The following CLEC6A variants were observed in gnomAD, a reference collection of about 807,000 sequenced individuals.
The protein encoded by CLEC6A is C-type lectin domain family 6 member A.
CLEC6A carries 22 observed loss-of-function variants against 25.7 expected under a neutral mutation model. The observed-to-expected ratio is 0.85, with a 90% CI of 0.61 to 1.22. The LOEUF (loss-of-function observed/expected upper bound fraction) is 1.22, where lower values mean the gene tolerates loss of function less well. Ranked by LOEUF, CLEC6A falls within the 50% of genes most tolerant of loss-of-function variation. The probability of loss-of-function intolerance (pLI) is 0.00; values close to 1 mark genes in which losing one functional copy is unlikely to be tolerated. For missense variants in CLEC6A, 240 were observed against 236.8 expected, an observed-to-expected ratio of 1.01 and a Z score of -0.09; for synonymous variants, 92 against 76.7, an observed-to-expected ratio of 1.20 and a Z score of -1.04.
At chr12:8,462,172 C>T (rs4883152) in intron 3 of CLEC6A, among the ~76,000 whole-genome samples, 9 of 144,188 alleles carry the variant, frequency 6.2e-5, no homozygotes, top group African/African-American at 1.5e-4. Context: ...CAGCATGCTC[C>T]TTAAGAGTCA....
intron 1 of CLEC6A, among the ~76,000 whole-genome samples, chr12:8,456,705 C>T (rs762621884): frequency 2.0e-5 from 3 of 152,082 alleles, no homozygotes; most frequent in Non-Finnish European, 4.4e-5. Flanking sequence ...GAATATGATG[C>T]GTAATGGTAA....
rs770476646 is a variant in CLEC6A at position 8,476,174 on chromosome 12, T to C, written c.419T>C (p.Leu140Pro). 1 of 1,610,842 alleles carries C rather than the reference T, an allele frequency of 6.2e-7. No individual in the cohort carries two copies. Among genetic ancestry groups the C allele is most frequent in the Non-Finnish European group, 8.5e-7 (1 of 1,179,220 alleles). ...GAGTCATTTTCTTATTTTCTGGGGCTTTCAGACCCACAAGGTAATAATAAT... is the reference window on the plus strand; with the variant it reads ...GAGTCATTTTCTTATTTTCTGGGGCCTTCAGACCCACAAGGTAATAATAAT... ...LNESFSYFLG[L>P]SDPQGNNNWQ... Residue 140 changes from leucine to proline, a missense_variant, in exon 5 of 6, where the codon CTT becomes CCT. Physicochemically the swap from Leu to Pro is moderately conservative, Grantham distance 98. Transcript: ENST00000382073.
intron 3 of CLEC6A, among the ~76,000 whole-genome samples, chr12:8,464,250 T>A (rs529235258): frequency 2.6e-5 from 4 of 152,016 alleles, no homozygotes; most frequent in Non-Finnish European, 5.9e-5. Context: ...ATAACATGGA[T>A]GAATATTAGT....
In CLEC6A at chr12:8,477,632, A is replaced by G. The variant is rs1048991854; in HGVS notation, c.*168A>G. 4.2e-6 allele frequency: 2 copies of G among 479,416 alleles called. No homozygotes were observed. Among genetic ancestry groups the G allele is most frequent in the Non-Finnish European group, 7.2e-6 (2 of 278,310 alleles). 29.7% of individuals were successfully genotyped at this position (479,416 alleles called of 1,614,324 possible). ...AAAGATACCTGTTTCCCTTTAATCAATCTTCTCGTTTCCTCTTTTCCATTA... is the reference window on the plus strand; with the variant it reads ...AAAGATACCTGTTTCCCTTTAATCAGTCTTCTCGTTTCCTCTTTTCCATTA... On this transcript the variant is annotated 3_prime_UTR_variant, in exon 6 of 6. Transcript: ENST00000382073.
intron 5 of CLEC6A, 21 bp downstream of exon 5, chr12:8,476,261 T>C: frequency 7.3e-7 from 1 of 1,370,102 alleles, no homozygotes. Flanking sequence ...TTCTGGGGCC[T>C]TGTTTACATA....
At position 8,476,208 on chromosome 12, in the gene CLEC6A, G is replaced by A. The variant is rs1939972206; in HGVS notation, c.453G>A (p.Trp151Ter). The A allele has an allele frequency of 6.2e-7, 1 of 1,607,100 alleles. No homozygotes were observed. Among genetic ancestry groups the A allele is most frequent in the South Asian group, 1.1e-5 (1 of 90,964 alleles). ...CACAAGGTAATAATAATTGGCAATG[G>A]ATTGATAAGACACCTTATGAGAAAA... ...SDPQGNNNWQ[W>*]IDKTPYEKNV... Residue 151 changes from tryptophan (W) to a stop codon, truncating the protein, a stop_gained, in exon 5 of 6, where the codon TGG becomes TGA. Transcript: ENST00000382073. LOFTEE classifies it low-confidence loss of function (END_TRUNC).
At chr12:8,462,664 T>C (rs1939777182) in intron 3 of CLEC6A, among the ~76,000 whole-genome samples, 1 of 151,214 alleles carries the variant, frequency 6.6e-6, no homozygotes, top group South Asian at 2.1e-4. Context: ...TGACCTTCTC[T>C]CCACTATTAT....
chr12:8,459,173 G>A (rs1197818100), intron 2 of CLEC6A, among the ~76,000 whole-genome samples: 3 of 151,752 alleles, frequency 2.0e-5, no homozygotes, highest in Non-Finnish European at 4.4e-5. Context: ...AGGTGTTTGT[G>A]ATTAAAAAAA....
At chr12:8,475,479 GA>G (rs1939961807) in intron 4 of CLEC6A, among the ~76,000 whole-genome samples, 1 of 152,052 alleles carries the variant, frequency 6.6e-6, no homozygotes, top group Admixed American at 6.6e-5. Flanking sequence ...AGGAGACCTA[GA>G]AAAGCTGGTG....
At chr12:8,475,537 A>G (rs372756769) in intron 4 of CLEC6A, among the ~76,000 whole-genome samples, 4 of 152,142 alleles carry the variant, frequency 2.6e-5, no homozygotes. Context: ...AGGGGAACCA[A>G]TGGTGTAAAT....
intron 3 of CLEC6A, among the ~76,000 whole-genome samples, chr12:8,464,200 A>G (rs750120381): frequency 6.6e-6 from 1 of 152,358 alleles, no homozygotes; most frequent in African/African-American, 2.4e-5. Flanking sequence ...ATGTAATGAT[A>G]TAGTTATGTA....
intron 2 of CLEC6A, 91 bp from the exon 3 acceptor site, chr12:8,459,506 G>C: frequency 1.3e-6 from 1 of 760,972 alleles, no homozygotes; most frequent in South Asian, 1.6e-5. Flanking sequence ...AGCAGTGGGG[G>C]TCAGAGGTAA....
At chr12:8,471,138 A>G (rs1036955995) in intron 4 of CLEC6A, among the ~76,000 whole-genome samples, 13 of 152,038 alleles carry the variant, frequency 8.6e-5, no homozygotes, top group Non-Finnish European at 2.9e-5. Context: ...CCAGAAATAA[A>G]TCCCAGTTTG....
intron 4 of CLEC6A, among the ~76,000 whole-genome samples, chr12:8,475,776 G>A (rs758931311): frequency 6.6e-6 from 1 of 151,818 alleles, no homozygotes; most frequent in Non-Finnish European, 1.5e-5. Flanking sequence ...TCACCCCTTG[G>A]CCCAGTCAGA....
chr12:8,463,442 T>C (rs750537820), intron 3 of CLEC6A, among the ~76,000 whole-genome samples: 1 of 152,230 alleles, frequency 6.6e-6, no homozygotes, highest in Non-Finnish European at 1.5e-5. Context: ...TATTTTCCAA[T>C]TTAATGACAT....
chr12:8,463,557 G>C (rs1006153569), intron 3 of CLEC6A, among the ~76,000 whole-genome samples: 2 of 152,074 alleles, frequency 1.3e-5, no homozygotes, highest in African/African-American at 4.8e-5. Context: ...TGCTTATGAC[G>C]ATATAGTGAT....
At chr12:8,456,263 C>T in intron 1 of CLEC6A, 121 bp downstream of exon 1, 1 of 878,068 alleles carries the variant, frequency 1.1e-6, no homozygotes, top group Non-Finnish European at 1.8e-6. Context: ...ATAGTAGACT[C>T]AAAGGAATTT....
At chr12:8,469,798 G>GA (rs958052089) in intron 4 of CLEC6A, among the ~76,000 whole-genome samples, 1 of 152,146 alleles carries the variant, frequency 6.6e-6, no homozygotes, top group Non-Finnish European at 1.5e-5. Context: ...GTGGATCAAG[G>GA]ACTTAAATCT....
chr12:8,475,048 G>GA (rs1565484725), intron 4 of CLEC6A, among the ~76,000 whole-genome samples: 1 of 151,722 alleles, frequency 6.6e-6, no homozygotes, highest in African/African-American at 2.4e-5. Flanking sequence ...CCTACCCTAC[G>GA]CAGGCCCCAG....
Sources: allele counts gnomAD v4.1 joint callset (sites outside exome capture counted in the v4.1 genomes callset), GRCh38; gene constraint gnomAD v4.1.1; transcripts MANE v1.5; gene names NCBI Gene and HGNC (gene_info 2026-07-23, HGNC 2026-07-21).